SH3GL1: variants seen among roughly 807,000 people sequenced by gnomAD.
SH3GL1 encodes endophilin-A2.
In SH3GL1, 21 loss-of-function variants were observed where a neutral mutation model predicts 48.8. The observed-to-expected ratio is 0.43, with a 90% CI of 0.30 to 0.62. The LOEUF (loss-of-function observed/expected upper bound fraction) is 0.62. Among genes scored for constraint, SH3GL1 ranks in the 20% least tolerant of loss-of-function variants. The pLI is 0.11. For missense variants in SH3GL1, 454 were observed against 503.0 expected, an observed-to-expected ratio of 0.90 and a Z score of 0.93; for synonymous variants, 282 against 217.5, an observed-to-expected ratio of 1.30 and a Z score of -2.61.
chr19:4,393,331 A>G (rs1973370653), intron 1 of SH3GL1, among the ~76,000 whole-genome samples: 1 of 152,108 alleles, frequency 6.6e-6, no homozygotes, highest in African/African-American at 2.4e-5. Flanking sequence ...AACTAAAAAA[A>G]GGTCAGGGCC....
Position 4,366,529 on chromosome 19 carries a change from C to G in SH3GL1, c.159G>C (p.Arg53Ser). The G allele has an allele frequency of 1.2e-6, 2 of 1,611,774 alleles. No individual in the cohort carries two copies. The highest frequency in any genetic ancestry group is 1.7e-6 in the Non-Finnish European group (2 of 1,179,622). ...TSKAVTEVLA[R>S]TIEYLQPNPA... Reference sequence around the variant, plus strand: ...GGTTGGGCTGCAGGTACTCGATGGTCCTGGCCAGCACTTCTGTCACCGCCT... The same window carrying G: ...GGTTGGGCTGCAGGTACTCGATGGTGCTGGCCAGCACTTCTGTCACCGCCT... The change falls in exon 3 of 10, where the codon AGG (arginine) becomes AGC (serine). Residue 53 changes from arginine to serine, a missense_variant. Physicochemically the swap from Arg to Ser is moderately radical, Grantham distance 110. This residue lies in a region of SH3GL1 where 176 missense variants were observed against 256.2 expected (regional missense o/e 0.69). Coordinates refer to ENST00000269886, the MANE Select transcript of SH3GL1 (RefSeq NM_003025.4).
intron 1 of SH3GL1, among the ~76,000 whole-genome samples, chr19:4,380,560 T>C (rs1353101887): frequency 6.6e-6 from 1 of 152,090 alleles, no homozygotes; most frequent in African/African-American, 2.4e-5. Context: ...TTGGAAGATG[T>C]GGGAGGGCGT....
At chr19:4,392,184 G>C (rs533353751) in intron 1 of SH3GL1, among the ~76,000 whole-genome samples, 1 of 152,176 alleles carries the variant, frequency 6.6e-6, no homozygotes, top group Non-Finnish European at 1.5e-5. Flanking sequence ...CAGCACAAGG[G>C]TATACACTTT....
intron 1 of SH3GL1, among the ~76,000 whole-genome samples, chr19:4,381,917 T>G (rs1208108197): frequency 6.6e-6 from 1 of 151,758 alleles, no homozygotes; most frequent in African/African-American, 2.4e-5. Context: ...ATGGTCTCGA[T>G]GACCACAACA....
At chr19:4,362,828 T>C in intron 7 of SH3GL1, 92 bp from the exon 8 acceptor site, 2 of 1,593,718 alleles carry the variant, frequency 1.3e-6, no homozygotes, top group South Asian at 2.2e-5. Flanking sequence ...TGACCTGGCC[T>C]GGGACTGCAG....
intron 9 of SH3GL1, among the ~76,000 whole-genome samples, chr19:4,362,114 T>G (rs1292625469): frequency 6.6e-6 from 1 of 152,224 alleles, no homozygotes; most frequent in Non-Finnish European, 1.5e-5. Context: ...TAGAGCTAGC[T>G]GGGCTAGTGC....
At chr19:4,399,273 T>C (rs907121484) in intron 1 of SH3GL1, among the ~76,000 whole-genome samples, 6 of 136,968 alleles carry the variant, frequency 4.4e-5, no homozygotes, top group Non-Finnish European at 6.1e-5. Context: ...TGAGCCGAGA[T>C]TGCACCACTG....
chr19:4,369,492 C>A (rs1198540846), intron 1 of SH3GL1, among the ~76,000 whole-genome samples: 1 of 152,206 alleles, frequency 6.6e-6, no homozygotes, highest in Non-Finnish European at 1.5e-5. Context: ...GTGGCTCCGT[C>A]AGGGCCCTTC....
intron 7 of SH3GL1, 97 bp from the exon 8 acceptor site, chr19:4,362,833 C>T (rs142728310): frequency 1.4e-5 from 23 of 1,588,894 alleles, no homozygotes; most frequent in Middle Eastern, 3.4e-4. Flanking sequence ...TGGCCTGGGA[C>T]TGCAGGAAGA....
At chr19:4,365,822 G>A (rs1011383714) in intron 3 of SH3GL1, among the ~76,000 whole-genome samples, 197 bp from the exon 4 acceptor site, 1 of 152,204 alleles carries the variant, frequency 6.6e-6, no homozygotes, top group African/African-American at 2.4e-5. Context: ...AGCGGGTGGA[G>A]AGGTGACCAA....
At chr19:4,399,576 G>C (rs1330559858) in intron 1 of SH3GL1, among the ~76,000 whole-genome samples, 6 of 152,176 alleles carry the variant, frequency 3.9e-5, no homozygotes, top group Admixed American at 3.9e-4. Flanking sequence ...GGCCCGGAGT[G>C]GGTGGAGGCC....
chr19:4,391,528 A>G (rs1339166884), intron 1 of SH3GL1, among the ~76,000 whole-genome samples: 2 of 152,154 alleles, frequency 1.3e-5, no homozygotes, highest in East Asian at 3.9e-4. Flanking sequence ...CCTACTGTAC[A>G]GCAGTCACGG....
In SH3GL1 at chr19:4,400,401, C is replaced by A; in HGVS notation, c.-33G>T. 1 of 1,566,314 alleles carries A rather than the reference C, an allele frequency of 6.4e-7. No individual in the cohort carries two copies. Among genetic ancestry groups the A allele is most frequent in the East Asian group, 2.5e-5 (1 of 39,808 alleles). On this transcript the variant is annotated 5_prime_UTR_variant, in exon 1 of 10. Transcript: ENST00000269886. This position sits in a 1 kb window ranked among gnomAD's most constrained non-coding sequence, Gnocchi z 4.1. ...CCCGCCGCCGAGCCTCCCGCCCGGA[C>A]CGCGCCAGCGACAGGCTCCCGGGCG...
At chr19:4,364,848 A>G in intron 4 of SH3GL1, among the ~76,000 whole-genome samples, 1 of 136,874 alleles carries the variant, frequency 7.3e-6, no homozygotes, top group South Asian at 2.3e-4. Context: ...ACAGGCATGC[A>G]CTACCACACC....
chr19:4,365,637 TG>T lies in SH3GL1; in HGVS notation c.188-13del. The T allele has an allele frequency of 2.5e-6, 4 of 1,613,570 alleles. No homozygotes were observed. Among genetic ancestry groups the T allele is most frequent in the Non-Finnish European group, 3.4e-6 (4 of 1,180,020 alleles). On this transcript the variant is annotated splice_polypyrimidine_tract_variant and intron_variant, in intron 3 of 9. Transcript: ENST00000269886. ...CTTAGCCCGCGAGGCTGGGATAGGA[TG>T]GCCAGGTGGGTGTGGGCTGTGAGGC...
chr19:4,386,654 T>G (rs1485685754), intron 1 of SH3GL1, among the ~76,000 whole-genome samples: 5 of 151,826 alleles, frequency 3.3e-5, no homozygotes, highest in Non-Finnish European at 7.4e-5. Flanking sequence ...GGGAACTCCT[T>G]AAGAATGCTG....
In SH3GL1 at chr19:4,361,332, G is replaced by C. The variant is rs529879828; in HGVS notation, c.*268C>G. ...CCAGCTGGGCGAGAAGTTGGGGAGC[G>C]GGGGAGGAGGCTGGCGCCATGGAGT... On this transcript the variant is annotated 3_prime_UTR_variant, in exon 10 of 10. Coordinates refer to ENST00000269886, the MANE Select transcript of SH3GL1 (RefSeq NM_003025.4). 3 of 511,964 alleles carry C rather than the reference G, an allele frequency of 5.9e-6. No individual in the cohort carries two copies. The highest frequency in any genetic ancestry group is 2.6e-5 in the South Asian group (1 of 39,018). 31.7% of individuals were successfully genotyped at this position (511,964 alleles called of 1,614,324 possible). A position where few individuals can be genotyped will look rare whatever the true frequency, so the allele number is the denominator to read the frequency against.
Position 4,377,813 on chromosome 19 carries a change from C to G in SH3GL1, c.46-10819G>C, listed in dbSNP as rs148484871. Among the ~76,000 whole-genome samples, 9 of 152,344 alleles carry G rather than the reference C, an allele frequency of 5.9e-5. No homozygotes were observed. In the East Asian group the frequency reaches 1.7e-3, roughly 29 times the overall value. ...ATCTCAGAATTGCTGACCACGGCCT[C>G]AGCACAGAGGAAGCAGGCAAATGGC... On this transcript the variant is annotated intron_variant, in intron 1 of 9. Coordinates refer to ENST00000269886, the MANE Select transcript of SH3GL1 (RefSeq NM_003025.4).
intron 1 of SH3GL1, among the ~76,000 whole-genome samples, chr19:4,378,125 C>T (rs1973048611): frequency 6.6e-6 from 1 of 152,196 alleles, no homozygotes; most frequent in Admixed American, 6.5e-5. Flanking sequence ...ACCCAGGTGG[C>T]GTCAGTCACT....
Sources: gnomAD v4.1 joint callset for allele counts (sites outside exome capture counted in the v4.1 genomes callset) on GRCh38, gnomAD v4.1.1 for gene constraint, gnomAD v4.1.1 regional missense constraint, Gnocchi (gnomAD v3.1) non-coding constraint, MANE v1.5 for transcripts, NCBI Gene and HGNC (gene_info 2026-07-23, HGNC 2026-07-21) for gene names.